Variants in THSD7B observed in about 807,000 individuals in gnomAD.
THSD7B encodes thrombospondin type 1 domain containing 7B.
In THSD7B, 138 loss-of-function variants were observed where a neutral mutation model predicts 213.6. The ratio of observed to expected loss-of-function variants is 0.65; its 90% CI spans 0.56 to 0.74. The LOEUF is 0.74. THSD7B is among the 30% of genes least tolerant of loss of function. The probability of loss-of-function intolerance (pLI) is 0.00; values close to 1 mark genes in which losing one functional copy is unlikely to be tolerated. For synonymous variants in THSD7B, 742 were observed against 687.0 expected (o/e 1.08, Z -1.25); for missense variants, 1,931 against 1,991.5 (o/e 0.97, Z 0.58).
At chr2:136,816,687 A>G (rs1309289764) in intron 1 of THSD7B, among the ~76,000 whole-genome samples, 1 of 152,252 alleles carries the variant, frequency 6.6e-6, no homozygotes, top group Non-Finnish European at 1.5e-5. Context: ...ATGTAATGCC[A>G]ATGGTCCTCC....
intron 2 of THSD7B, among the ~76,000 whole-genome samples, chr2:137,024,826 C>A (rs551705544): frequency 3.3e-4 from 51 of 152,252 alleles, no homozygotes; most frequent in African/African-American, 1.2e-3. Context: ...ATTGGCTCCT[C>A]ATTTTTGCCT....
chr2:137,394,624 A>G (rs1686126585), intron 12 of THSD7B, among the ~76,000 whole-genome samples: 1 of 137,554 alleles, frequency 7.3e-6, no homozygotes, highest in Admixed American at 7.2e-5. Context: ...CTTTTGGCTT[A>G]GGATTGCCTT....
At chr2:136,848,194 A>C (rs1219280776) in intron 1 of THSD7B, among the ~76,000 whole-genome samples, 1 of 152,214 alleles carries the variant, frequency 6.6e-6, no homozygotes, top group East Asian at 1.9e-4. Flanking sequence ...TGGTCAGAGC[A>C]CTACAGATAA....
intron 12 of THSD7B, among the ~76,000 whole-genome samples, chr2:137,330,800 C>T (rs931421243): frequency 2.0e-5 from 3 of 152,170 alleles, no homozygotes; most frequent in Middle Eastern, 3.4e-3. Flanking sequence ...GGGCCCCAAG[C>T]GGGTTGCCAC....
At chr2:137,271,929 T>C (rs1169800707) in intron 10 of THSD7B, among the ~76,000 whole-genome samples, 1 of 152,142 alleles carries the variant, frequency 6.6e-6, no homozygotes. Context: ...CTATTAATAC[T>C]TCTATTTCTC....
intron 5 of THSD7B, among the ~76,000 whole-genome samples, chr2:137,157,004 T>C (rs1385647546): frequency 1.3e-5 from 2 of 152,150 alleles, no homozygotes; most frequent in Non-Finnish European, 2.9e-5. Flanking sequence ...TGTGGACCCA[T>C]ATACAATTAA....
chr2:136,767,379 C>T lies in THSD7B; in HGVS notation c.-36+1692C>T, dbSNP rs946349561. Among the ~76,000 whole-genome samples the T allele has an allele frequency of 2.0e-5, 3 of 151,408 alleles. 1 individual carries two copies. The highest frequency in any genetic ancestry group is 7.3e-5 in the African/African-American group (3 of 41,242). On this transcript the variant is annotated intron_variant, in intron 1 of 27. Coordinates refer to ENST00000409968, the MANE Select transcript of THSD7B (RefSeq NM_001316349.2). ...AGTCTTCTTTTGAAAAGTAATGTGG[C>T]CAGTTCTCTGTTTTCTGAGGGTAGT...
At chr2:137,194,030 C>G (rs1293244126) in intron 7 of THSD7B, among the ~76,000 whole-genome samples, 1 of 152,046 alleles carries the variant, frequency 6.6e-6, no homozygotes, top group Non-Finnish European at 1.5e-5. Context: ...GGATAATAGC[C>G]AAGGCCATAC....
intron 7 of THSD7B, among the ~76,000 whole-genome samples, chr2:137,202,988 CAAAT>C (rs753783455): frequency 6.6e-6 from 1 of 151,308 alleles, no homozygotes; most frequent in Non-Finnish European, 1.5e-5. Context: ...ATGTGATACA[CAAAT>C]AAGAGATGGA....
intron 12 of THSD7B, among the ~76,000 whole-genome samples, chr2:137,312,411 G>C (rs1406982704): frequency 7.0e-6 from 1 of 142,682 alleles, no homozygotes; most frequent in African/African-American, 2.7e-5. Context: ...TTCTTTATTC[G>C]TCTTGCTAGT....
chr2:137,479,754 G>T (rs551016589), intron 15 of THSD7B, among the ~76,000 whole-genome samples: 2 of 152,294 alleles, frequency 1.3e-5, no homozygotes, highest in Admixed American at 1.3e-4. Context: ...ATATAAAGAT[G>T]CAGGGGCTAT....
chr2:137,236,109 A>G (rs1157473749), intron 9 of THSD7B, among the ~76,000 whole-genome samples: 2 of 152,168 alleles, frequency 1.3e-5, no homozygotes, highest in African/African-American at 4.8e-5. Flanking sequence ...GCTCTTTTTC[A>G]CATGAAAGTC....
chr2:136,907,057 A>T (rs895618646), intron 2 of THSD7B, among the ~76,000 whole-genome samples: 1 of 140,544 alleles, frequency 7.1e-6, no homozygotes, highest in Non-Finnish European at 1.5e-5. Flanking sequence ...CAATTCTCCT[A>T]CCTCAGTCTC....
At chr2:137,214,238 A>T (rs6430690) in intron 7 of THSD7B, among the ~76,000 whole-genome samples, 90,728 of 151,872 alleles carry the variant, frequency 0.6, 27,516 homozygotes, top group South Asian at 0.71. Flanking sequence ...TTATGTACTT[A>T]TACCTGGATT....
At chr2:137,193,734 G>A (rs1680705485) in intron 7 of THSD7B, among the ~76,000 whole-genome samples, 1 of 151,768 alleles carries the variant, frequency 6.6e-6, no homozygotes, top group Non-Finnish European at 1.5e-5. Flanking sequence ...TTGTTTCAAG[G>A]ACTGTTATAA....
intron 2 of THSD7B, among the ~76,000 whole-genome samples, chr2:137,028,561 A>G (rs1686597670): frequency 6.6e-6 from 1 of 152,220 alleles, no homozygotes; most frequent in African/African-American, 2.4e-5. Flanking sequence ...ATTTAACACC[A>G]CCATGTTCCA....
chr2:137,367,444 CT>C (rs1685447642), intron 12 of THSD7B, among the ~76,000 whole-genome samples: 1 of 152,110 alleles, frequency 6.6e-6, no homozygotes, highest in Admixed American at 6.6e-5. Flanking sequence ...GCTGTCACCC[CT>C]ATGCAATATA....
At chr2:136,892,930 C>T (rs529926715) in intron 2 of THSD7B, among the ~76,000 whole-genome samples, 8 of 152,270 alleles carry the variant, frequency 5.3e-5, no homozygotes, top group African/African-American at 1.7e-4. Context: ...TCTGCCTCTT[C>T]ATGTTGCAGA....
At chr2:136,927,213 T>G (rs1485791563) in intron 2 of THSD7B, among the ~76,000 whole-genome samples, 1 of 152,042 alleles carries the variant, frequency 6.6e-6, no homozygotes, top group Non-Finnish European at 1.5e-5. Flanking sequence ...TCCCACTGTT[T>G]CCTGCTTCTC....
Sources: allele counts gnomAD v4.1 joint callset (sites outside exome capture counted in the v4.1 genomes callset), GRCh38; gene constraint gnomAD v4.1.1; transcripts MANE v1.5; gene names NCBI Gene and HGNC (gene_info 2026-07-23, HGNC 2026-07-21).